PCCA: variants seen among roughly 807,000 people sequenced by gnomAD.
The protein encoded by PCCA is propionyl-CoA carboxylase alpha chain, mitochondrial.
Under a neutral mutation model 101.3 loss-of-function variants are expected in PCCA, and 74 were observed. That is an observed-to-expected ratio of 0.73 (90% CI 0.61 to 0.89). The LOEUF (loss-of-function observed/expected upper bound fraction) is 0.89, where lower values mean the gene tolerates loss of function less well. Ranked by LOEUF, PCCA falls within the 40% of genes least tolerant of loss-of-function variation. PCCA has a pLI of 0.00. For synonymous variants in PCCA, 294 were observed against 313.6 expected (o/e 0.94, Z 0.66); for missense variants, 891 against 907.0 (o/e 0.98, Z 0.23).
intron 19 of PCCA, among the ~76,000 whole-genome samples, chr13:100,379,099 A>G (rs903954229): frequency 6.6e-6 from 1 of 152,120 alleles, no homozygotes; most frequent in Admixed American, 6.5e-5. Flanking sequence ...TTTCCTGAAG[A>G]TGTATCCATG....
intron 19 of PCCA, among the ~76,000 whole-genome samples, chr13:100,390,937 G>A (rs531403177): frequency 5.3e-5 from 8 of 152,164 alleles, no homozygotes; most frequent in Non-Finnish European, 1.2e-4. Context: ...AAATTCTTAA[G>A]TGCTGATAAC....
intron 21 of PCCA, among the ~76,000 whole-genome samples, chr13:100,505,490 A>T (rs945523456): frequency 1.3e-5 from 2 of 152,228 alleles, no homozygotes; most frequent in Admixed American, 1.3e-4. Flanking sequence ...TTTGCTCTCA[A>T]ACATGGAGAG....
chr13:100,376,381 TAGG>T (rs2152822099), intron 19 of PCCA, among the ~76,000 whole-genome samples: 1 of 152,316 alleles, frequency 6.6e-6, no homozygotes, highest in South Asian at 2.1e-4. Context: ...AGTGCTGTGC[TAGG>T]AGATCTGCTG....
At position 100,090,717 on chromosome 13, in the gene PCCA, T is replaced by C. The variant is rs139331955; in HGVS notation, c.105+1492T>C. ...ATTTGACCAAGCCAAGATTTTGAAT[T>C]CTGTGTTCTAGATACTGTTCTGTTG... is the stretch of plus-strand genomic sequence containing the variant. On this transcript the variant is annotated intron_variant, in intron 1 of 23. Coordinates refer to ENST00000376285, the MANE Select transcript of PCCA (RefSeq NM_000282.4). 5.7e-4 allele frequency among the ~76,000 whole-genome samples: 87 copies of C among 152,330 alleles called. 2 individuals carry two copies. In the East Asian group the frequency reaches 0.014, roughly 25 times the overall value.
In PCCA at chr13:100,093,332, G is replaced by A. The variant is rs181580285; in HGVS notation, c.105+4107G>A. On this transcript the variant is annotated intron_variant, in intron 1 of 23. Transcript: ENST00000376285. ...TAATATTTAATTGAATAAATGCTTC[G>A]TTTTATAACCCTAAATTAGGATTTG... Among the ~76,000 whole-genome samples, 1,105 of 152,238 alleles carry A rather than the reference G, an allele frequency of 7.3e-3. 17 individuals are homozygous for A. Among genetic ancestry groups the A allele is most frequent in the African/African-American group, 0.017 (715 of 41,534 alleles).
intron 14 of PCCA, among the ~76,000 whole-genome samples, chr13:100,306,819 G>A (rs1005520919): frequency 5.3e-5 from 8 of 152,232 alleles, no homozygotes; most frequent in Non-Finnish European, 1.2e-4. Flanking sequence ...GGCTTGACGA[G>A]GGGCCTCACT....
intron 19 of PCCA, among the ~76,000 whole-genome samples, chr13:100,399,014 C>T (rs926989769): frequency 1.1e-4 from 16 of 152,016 alleles, no homozygotes; most frequent in East Asian, 3.9e-4. Context: ...ATGAAATAGA[C>T]GCATTGGTTA....
chr13:100,452,236 GTC>G (rs1184512992), intron 21 of PCCA, among the ~76,000 whole-genome samples: 2 of 143,832 alleles, frequency 1.4e-5, no homozygotes, highest in Non-Finnish European at 3.0e-5. Flanking sequence ...TTCCCCATCT[GTC>G]TCTCCCTGTC....
chr13:100,135,629 C>G (rs2051069382), intron 4 of PCCA, among the ~76,000 whole-genome samples: 1 of 151,276 alleles, frequency 6.6e-6, no homozygotes, highest in East Asian at 1.9e-4. Context: ...ATTTTTTTTT[C>G]TTTATAATTT....
At chr13:100,268,579 T>C (rs1274369214) in intron 10 of PCCA, 110 bp from the exon 11 acceptor site, 1 of 797,494 alleles carries the variant, frequency 1.3e-6, no homozygotes, top group Non-Finnish European at 2.3e-6. Flanking sequence ...ATGTATATAC[T>C]ATGAAGTTTG....
intron 2 of PCCA, among the ~76,000 whole-genome samples, chr13:100,109,991 G>A (rs368624825): frequency 1.2e-4 from 19 of 152,136 alleles, no homozygotes; most frequent in Admixed American, 7.9e-4. Context: ...GAAATTAGCC[G>A]GGCTTGGTGG....
chr13:100,281,609 A>T (rs889120827), intron 12 of PCCA, among the ~76,000 whole-genome samples: 1 of 152,234 alleles, frequency 6.6e-6, no homozygotes, highest in African/African-American at 2.4e-5. Flanking sequence ...CTAGTGGTTC[A>T]TAAGAGTCTA....
chr13:100,309,466 A>T (rs1057226594), intron 15 of PCCA, among the ~76,000 whole-genome samples: 2 of 152,178 alleles, frequency 1.3e-5, no homozygotes, highest in African/African-American at 2.4e-5. Context: ...CCACAGAAAA[A>T]TAGGGAAAAA....
At chr13:100,451,413 C>T (rs1006201526) in intron 21 of PCCA, among the ~76,000 whole-genome samples, 5 of 152,108 alleles carry the variant, frequency 3.3e-5, no homozygotes, top group African/African-American at 1.2e-4. Flanking sequence ...TCTTGGACAC[C>T]TTTCTGTGTC....
At chr13:100,506,704 T>C (rs1405929326) in intron 21 of PCCA, among the ~76,000 whole-genome samples, 1 of 152,092 alleles carries the variant, frequency 6.6e-6, no homozygotes, top group Non-Finnish European at 1.5e-5. Context: ...CTCCCCATCT[T>C]TTTTCCCCAA....
chr13:100,313,844 G>A (rs2067123715), intron 16 of PCCA, among the ~76,000 whole-genome samples: 1 of 152,032 alleles, frequency 6.6e-6, no homozygotes, highest in South Asian at 2.1e-4. Flanking sequence ...CTGCAAAAAA[G>A]CACAATACCA....
chr13:100,227,529 G>T (rs899615077), intron 7 of PCCA, among the ~76,000 whole-genome samples: 3 of 152,180 alleles, frequency 2.0e-5, no homozygotes, highest in African/African-American at 7.2e-5. Context: ...AATGTGAGTT[G>T]TTTTGTAATA....
chr13:100,093,480 C>G (rs777835110), intron 1 of PCCA, among the ~76,000 whole-genome samples: 5 of 152,148 alleles, frequency 3.3e-5, no homozygotes, highest in Non-Finnish European at 7.3e-5. Flanking sequence ...ATTCATTTGT[C>G]TAGAGATCTA....
chr13:100,161,665 TTTTA>T (rs2054487746), intron 6 of PCCA: 2 of 152,002 alleles, frequency 1.3e-5, no homozygotes, highest in Admixed American at 6.6e-5. Flanking sequence ...TGGACTTTTT[TTTTA>T]TTTGAGTAGG....
Sources: allele counts gnomAD v4.1 joint callset (sites outside exome capture counted in the v4.1 genomes callset), GRCh38; gene constraint gnomAD v4.1.1; transcripts MANE v1.5; gene names NCBI Gene and HGNC (gene_info 2026-07-23, HGNC 2026-07-21).